FKBP5: variants seen among roughly 807,000 people sequenced by gnomAD.
The protein encoded by FKBP5 is peptidyl-prolyl cis-trans isomerase FKBP5.
Under a neutral mutation model 50.5 loss-of-function variants are expected in FKBP5, and 23 were observed. The ratio of observed to expected loss-of-function variants is 0.46; its 90% CI spans 0.33 to 0.65. The LOEUF is 0.65. Ranked by LOEUF, FKBP5 falls within the 30% of genes least tolerant of loss-of-function variation. The pLI, the probability that FKBP5 is intolerant of heterozygous loss-of-function variation, is 0.02. For missense variants in FKBP5, 411 were observed against 553.1 expected, an observed-to-expected ratio of 0.74 and a Z score of 2.58; for synonymous variants, 176 against 190.6, an observed-to-expected ratio of 0.92 and a Z score of 0.63.
chr6:35,588,217 G>A (rs1414243784), intron 7 of FKBP5, among the ~76,000 whole-genome samples: 24 of 151,832 alleles, frequency 1.6e-4, no homozygotes, highest in Non-Finnish European at 4.4e-5. Context: ...AGTAGAGACG[G>A]GGTTTCTCCA....
chr6:35,585,863 CTG>C (rs1581786975), intron 8 of FKBP5: 1 of 985,358 alleles, frequency 1.0e-6, no homozygotes, highest in East Asian at 1.1e-4. Context: ...TGCCCTCTGG[CTG>C]TGTTAATTTT....
chr6:35,717,526 C>A (rs532943702), intron 2 of FKBP5, among the ~76,000 whole-genome samples: 3 of 152,206 alleles, frequency 2.0e-5, no homozygotes, highest in Admixed American at 6.5e-5. Context: ...TCTGTGTGCA[C>A]CCTGTGTGTA....
chr6:35,668,387 T>G (rs888802492), intron 1 of FKBP5, among the ~76,000 whole-genome samples: 1 of 152,224 alleles, frequency 6.6e-6, no homozygotes, highest in African/African-American at 2.4e-5. Flanking sequence ...AGTTCAGGGG[T>G]AAACACACAA....
intron 1 of FKBP5, chr6:35,728,419 C>G (rs536940586): frequency 6.6e-6 from 1 of 152,338 alleles, no homozygotes; most frequent in Non-Finnish European, 1.5e-5. Context: ...GCTCTGCCCA[C>G]CTGGGAGAAG....
chr6:35,682,710 C>CA (rs1765702723), intron 1 of FKBP5, among the ~76,000 whole-genome samples: 1 of 151,696 alleles, frequency 6.6e-6, no homozygotes, highest in Non-Finnish European at 1.5e-5. Flanking sequence ...TTCTTCTTTC[C>CA]AAAAAACGAA....
intron 8 of FKBP5, chr6:35,582,138 C>A (rs1270318897): frequency 1.0e-6 from 1 of 984,776 alleles, no homozygotes; most frequent in Non-Finnish European, 1.2e-6. Context: ...CCTCGAACAT[C>A]CTTCTTCCCA....
intron 1 of FKBP5, among the ~76,000 whole-genome samples, chr6:35,722,817 A>C (rs1260890485): frequency 1.3e-5 from 2 of 152,132 alleles, no homozygotes; most frequent in Non-Finnish European, 2.9e-5. Flanking sequence ...GTTTTTGTGC[A>C]TTTTCCCAAG....
At chr6:35,718,848 A>T (rs1766557592) in intron 2 of FKBP5, among the ~76,000 whole-genome samples, 1 of 152,216 alleles carries the variant, frequency 6.6e-6, no homozygotes, top group Admixed American at 6.5e-5. Flanking sequence ...TTGAAGAGGA[A>T]GGCAAGAAAA....
intron 8 of FKBP5, chr6:35,583,673 A>G (rs1762513190): frequency 5.6e-6 from 5 of 893,414 alleles, no homozygotes; most frequent in African/African-American, 3.6e-5. Flanking sequence ...GAGGCCAGGA[A>G]TGCTGCTAAA....
chr6:35,707,242 GT>G, intron 2 of FKBP5, among the ~76,000 whole-genome samples: 1 of 129,738 alleles, frequency 7.7e-6, no homozygotes, highest in Middle Eastern at 4.2e-3. Context: ...TTGAGATGGA[GT>G]TTCACTCTTA....
intron 3 of FKBP5, among the ~76,000 whole-genome samples, chr6:35,632,271 T>C (rs1472125931): frequency 6.6e-6 from 1 of 152,210 alleles, no homozygotes; most frequent in African/African-American, 2.4e-5. Flanking sequence ...ATTCTGTCTT[T>C]CCCAACTTCC....
At chr6:35,636,443 G>C (rs1248764154) in intron 3 of FKBP5, among the ~76,000 whole-genome samples, 1 of 152,134 alleles carries the variant, frequency 6.6e-6, no homozygotes, top group Admixed American at 6.6e-5. Flanking sequence ...AATAAATGCA[G>C]TTAGTTCAGA....
chr6:35,617,353 T>C, intron 5 of FKBP5, among the ~76,000 whole-genome samples: 1 of 152,092 alleles, frequency 6.6e-6, no homozygotes, highest in Non-Finnish European at 1.5e-5. Context: ...GGTCTCACTA[T>C]GGTACCTAGG....
chr6:35,630,582 C>A (rs569078331), intron 3 of FKBP5, among the ~76,000 whole-genome samples: 1 of 152,062 alleles, frequency 6.6e-6, no homozygotes, highest in Non-Finnish European at 1.5e-5. Flanking sequence ...ATCAGGCACT[C>A]GATAAATACT....
At chr6:35,581,271 T>C in intron 8 of FKBP5, 2 of 439,590 alleles carry the variant, frequency 4.5e-6, no homozygotes, top group Non-Finnish European at 6.0e-6. Context: ...TATAAACATA[T>C]ATAATATATA....
chr6:35,705,433 A>C (rs1337494296), intron 2 of FKBP5, among the ~76,000 whole-genome samples: 1 of 150,032 alleles, frequency 6.7e-6, no homozygotes, highest in African/African-American at 2.4e-5. Context: ...TGCTCGGCTA[A>C]TTTTTGTATT....
intron 8 of FKBP5, chr6:35,581,938 T>G: frequency 1.0e-6 from 1 of 984,890 alleles, no homozygotes; most frequent in Non-Finnish European, 1.2e-6. Flanking sequence ...ACCCAAGGAG[T>G]CTGAGTAAGA....
intron 1 of FKBP5, among the ~76,000 whole-genome samples, chr6:35,653,256 A>G (rs1764861740): frequency 6.6e-6 from 1 of 152,174 alleles, no homozygotes; most frequent in African/African-American, 2.4e-5. Flanking sequence ...CAGGAAGGGG[A>G]GGCTGAGGCA....
chr6:35,589,130 T>TATTTTTATATATATATATATATATATA (rs1561846638), intron 7 of FKBP5, among the ~76,000 whole-genome samples: 171 of 112,940 alleles, frequency 1.5e-3, no homozygotes, highest in Non-Finnish European at 2.2e-3. Context: ...ATATATATAT[T>TATTTTTATATATATATATATATATATA]TTTTTTTTTT....
Sources: gnomAD v4.1 joint callset for allele counts (sites outside exome capture counted in the v4.1 genomes callset) on GRCh38, gnomAD v4.1.1 for gene constraint, MANE v1.5 for transcripts, NCBI Gene and HGNC (gene_info 2026-07-23, HGNC 2026-07-21) for gene names.